SNX29: variants seen among roughly 807,000 people sequenced by gnomAD.
SNX29 encodes the protein sorting nexin-29.
In SNX29, 78 loss-of-function variants were observed where a neutral mutation model predicts 102.1. The ratio of observed to expected loss-of-function variants is 0.76; its 90% CI spans 0.64 to 0.92. The LOEUF (loss-of-function observed/expected upper bound fraction) is 0.92. Ranked by LOEUF, SNX29 falls within the 40% of genes least tolerant of loss-of-function variation. SNX29 has a pLI of 0.00. For missense variants in SNX29, 1,280 were observed against 1,061.7 expected, an observed-to-expected ratio of 1.21 and a Z score of -2.86; for synonymous variants, 580 against 414.5, an observed-to-expected ratio of 1.40 and a Z score of -4.85.
At chr16:12,154,744 G>A (rs529987946) in intron 13 of SNX29, among the ~76,000 whole-genome samples, 52 of 152,320 alleles carry the variant, frequency 3.4e-4, no homozygotes, top group African/African-American at 1.2e-3. Context: ...AGCAGATGTG[G>A]TATCTGGGGA....
chr16:12,149,371 T>C (rs962677887), intron 13 of SNX29, among the ~76,000 whole-genome samples: 1 of 152,216 alleles, frequency 6.6e-6, no homozygotes, highest in Non-Finnish European at 1.5e-5. Flanking sequence ...GATTTCTGTT[T>C]TTTAGTGGAG....
chr16:12,082,835 G>T (rs1395659920), intron 11 of SNX29, among the ~76,000 whole-genome samples: 1 of 152,060 alleles, frequency 6.6e-6, no homozygotes, highest in East Asian at 1.9e-4. Context: ...TGAGGGGTCA[G>T]GAATCCTAGA....
chr16:12,051,767 C>A, intron 7 of SNX29, 80 bp from the exon 8 acceptor site: 1 of 1,551,996 alleles, frequency 6.4e-7, no homozygotes, highest in Non-Finnish European at 8.7e-7. Flanking sequence ...TTTTCCATAA[C>A]CTGGAGGTGA....
At chr16:12,356,416 C>A in intron 16 of SNX29, 137 bp downstream of exon 16, 1 of 686,824 alleles carries the variant, frequency 1.5e-6, no homozygotes, top group Non-Finnish European at 2.4e-6. Flanking sequence ...GCCACATTTG[C>A]TTTTTATTTT....
At chr16:12,524,926 GC>G in intron 20 of SNX29, 85 bp downstream of exon 20, 1 of 1,552,720 alleles carries the variant, frequency 6.4e-7, no homozygotes, top group Non-Finnish European at 8.7e-7. Context: ...GAGCACAGCG[GC>G]TCTCCGTGAT....
chr16:12,369,485 G>A (rs1219747759), intron 16 of SNX29, among the ~76,000 whole-genome samples: 2 of 152,208 alleles, frequency 1.3e-5, no homozygotes, highest in Non-Finnish European at 2.9e-5. Flanking sequence ...AGGGGTTCCT[G>A]TGCCTGGGGC....
At chr16:12,364,161 T>TATGTTATGTTATGTTATGTTATGTTA in intron 16 of SNX29, among the ~76,000 whole-genome samples, 1 of 138,476 alleles carries the variant, frequency 7.2e-6, no homozygotes, top group African/African-American at 2.8e-5. Flanking sequence ...CCTGGCTTGT[T>TATGTTATGTTATGTTATGTTATGTTA]TGTTATGTTA....
At chr16:12,307,174 G>C (rs1049410182) in intron 15 of SNX29, among the ~76,000 whole-genome samples, 3 of 152,186 alleles carry the variant, frequency 2.0e-5, no homozygotes, top group Non-Finnish European at 4.4e-5. Context: ...CTTTGATATA[G>C]AAAGAGTTGA....
chr16:12,512,672 C>T (rs1388450688), intron 19 of SNX29, among the ~76,000 whole-genome samples: 2 of 151,910 alleles, frequency 1.3e-5, no homozygotes, highest in Non-Finnish European at 2.9e-5. Context: ...ACCATGGGTG[C>T]CTGATGGAGG....
Position 12,390,492 on chromosome 16 carries a change from G to A in SNX29, c.1900-7954G>A, listed in dbSNP as rs531649856. On this transcript the variant is annotated intron_variant, in intron 16 of 20. Coordinates refer to ENST00000566228, the MANE Select transcript of SNX29 (RefSeq NM_032167.5). ...GTGGATTGTATGCTCTGCAAGCCCC[G>A]GGACTTCCTCTCCCCCTGTCACCTG... Among the ~76,000 whole-genome samples, 37 of 152,142 alleles carry A rather than the reference G, an allele frequency of 2.4e-4. No individual in the cohort carries two copies. The South Asian group carries it at 6.2e-3, about 26-fold the overall frequency.
At chr16:12,263,625 T>C (rs199924202) in intron 14 of SNX29, among the ~76,000 whole-genome samples, 3 of 152,214 alleles carry the variant, frequency 2.0e-5, no homozygotes, top group East Asian at 3.8e-4. Context: ...AGTGAACATA[T>C]GTTACTTATA....
chr16:12,144,988 T>A (rs111574704), intron 13 of SNX29, among the ~76,000 whole-genome samples: 3 of 152,220 alleles, frequency 2.0e-5, no homozygotes, highest in Non-Finnish European at 4.4e-5. Context: ...CCCAAAGTGC[T>A]GGGATTACAG....
intron 2 of SNX29, among the ~76,000 whole-genome samples, chr16:12,002,403 G>A (rs1217974024): frequency 6.8e-6 from 1 of 146,578 alleles, no homozygotes; most frequent in Non-Finnish European, 1.5e-5. Flanking sequence ...AGCTGAGATC[G>A]ATATTACACT....
chr16:12,196,720 A>G (rs991073712), intron 13 of SNX29, among the ~76,000 whole-genome samples: 2 of 148,392 alleles, frequency 1.3e-5, no homozygotes, highest in Admixed American at 6.9e-5. Flanking sequence ...TCCCAGGTTC[A>G]AGCAATTCTT....
At chr16:12,336,748 C>A (rs550737346) in intron 15 of SNX29, among the ~76,000 whole-genome samples, 83 of 152,198 alleles carry the variant, frequency 5.5e-4, no homozygotes, top group Non-Finnish European at 1.0e-3. Context: ...AGTTGGAGAC[C>A]ATACTGGCCA....
chr16:12,392,195 C>T (rs2083554891), intron 16 of SNX29, among the ~76,000 whole-genome samples: 1 of 152,184 alleles, frequency 6.6e-6, no homozygotes, highest in African/African-American at 2.4e-5. Flanking sequence ...AGAGGAGATG[C>T]CTGCTGTTCT....
intron 18 of SNX29, chr16:12,443,049 G>A: frequency 2.2e-6 from 1 of 455,904 alleles, no homozygotes; most frequent in Non-Finnish European, 4.4e-6. Flanking sequence ...AAAACAGCCA[G>A]CAGGCCAGGC....
At chr16:12,247,177 C>T (rs560858603) in intron 14 of SNX29, among the ~76,000 whole-genome samples, 6 of 152,110 alleles carry the variant, frequency 3.9e-5, no homozygotes, top group South Asian at 2.1e-4. Context: ...AGGCAGAGGC[C>T]GGTATGGGGT....
At chr16:11,991,711 CTT>C (rs762156831) in intron 1 of SNX29, among the ~76,000 whole-genome samples, 14,159 of 118,274 alleles carry the variant, frequency 0.12, 1,342 homozygotes, top group African/African-American at 0.29. Context: ...TGAGGCTAAT[CTT>C]TTTTTTTTTT....
Sources: gnomAD v4.1 joint callset for allele counts (sites outside exome capture counted in the v4.1 genomes callset) on GRCh38, gnomAD v4.1.1 for gene constraint, MANE v1.5 for transcripts, NCBI Gene and HGNC (gene_info 2026-07-23, HGNC 2026-07-21) for gene names.